CACNA1B: variants seen among roughly 807,000 people sequenced by gnomAD.
CACNA1B encodes calcium voltage-gated channel subunit alpha1 B, also known as voltage-dependent N-type calcium channel subunit alpha-1B.
In CACNA1B, 70 loss-of-function variants were observed where a neutral mutation model predicts 247.2. The ratio of observed to expected loss-of-function variants is 0.28; its 90% confidence interval spans 0.23 to 0.35. CACNA1B has a LOEUF of 0.35. Ranked by LOEUF, CACNA1B falls within the 10% of genes least tolerant of loss-of-function variation. The pLI, the probability that CACNA1B is intolerant of heterozygous loss-of-function variation, is 1.00. For missense variants in CACNA1B, 2,367 were observed against 3,197.4 expected (o/e 0.74, Z 6.26); for synonymous variants, 1,231 against 1,294.4 (o/e 0.95, Z 1.05).
chr9:138,019,656 C>T (rs924994645), intron 18 of CACNA1B, among the ~76,000 whole-genome samples: 3 of 152,226 alleles, frequency 2.0e-5, no homozygotes, highest in Non-Finnish European at 4.4e-5. Flanking sequence ...CCGCCCTGCC[C>T]AGTGCTTCCT....
At chr9:138,109,528 T>C (rs1416251658) in intron 39 of CACNA1B, among the ~76,000 whole-genome samples, 1 of 152,132 alleles carries the variant, frequency 6.6e-6, no homozygotes, top group Non-Finnish European at 1.5e-5. Context: ...AAAGAGCAAG[T>C]GGATTTCCAG....
intron 42 of CACNA1B, among the ~76,000 whole-genome samples, chr9:138,117,044 A>C (rs978390273): frequency 9.3e-4 from 141 of 152,354 alleles, no homozygotes; most frequent in African/African-American, 3.3e-3. Context: ...CAGAGTGATC[A>C]GTGCCACTCA....
At chr9:137,965,586 T>G (rs1589037271) in intron 10 of CACNA1B, among the ~76,000 whole-genome samples, 1 of 151,120 alleles carries the variant, frequency 6.6e-6, no homozygotes, top group East Asian at 2.0e-4. Context: ...TATTTATTTA[T>G]TTATTTATTT....
chr9:137,989,485 T>C (rs1958406952), intron 15 of CACNA1B, among the ~76,000 whole-genome samples: 1 of 152,162 alleles, frequency 6.6e-6, no homozygotes. Context: ...GCTCAGATGA[T>C]CAAGCAGGAT....
Position 138,052,059 on chromosome 9 carries a change from T to G in CACNA1B, c.3711-33T>G, listed in dbSNP as rs759052259. ...GGGAGCTGGGCACACCCATGCCTCC[T>G]GCCTGTCTGCATCTGTGGCTTCTCC... On this transcript the variant is annotated intron_variant, in intron 24 of 46. Transcript: ENST00000371372. The surrounding 1 kb of genome is among the most constrained non-coding windows in gnomAD (Gnocchi z 5.1). 33 of 1,303,974 alleles carry G rather than the reference T, an allele frequency of 2.5e-5. No individual in the cohort carries two copies. In the East Asian group the frequency reaches 3.5e-4, roughly 14 times the overall value. The allele number at this position is 1,303,974 out of a possible 1,614,324, so 80.8% of individuals were successfully genotyped here.
chr9:137,986,577 G>A lies in CACNA1B; in HGVS notation c.1901+33G>A, dbSNP rs1287917622. The stretch of plus-strand genomic sequence containing the variant: ...GGCCCGGGAGGGAGAGCTCAAGGCT[G>A]GGGGCTTGCAGGGAAGCAGAGCTCA... On this transcript the variant is annotated intron_variant, in intron 14 of 46. Coordinates refer to ENST00000371372, the MANE Select transcript of CACNA1B (RefSeq NM_000718.4). This position sits in a 1 kb window ranked among gnomAD's most constrained non-coding sequence, Gnocchi z 6.0. 2 of 1,612,034 alleles carry A rather than the reference G, an allele frequency of 1.2e-6. No homozygotes were observed. Among genetic ancestry groups the A allele is most frequent in the South Asian group, 2.2e-5 (2 of 90,964 alleles).
chr9:137,924,342 T>C (rs1295770621), intron 6 of CACNA1B, among the ~76,000 whole-genome samples: 1 of 146,232 alleles, frequency 6.8e-6, no homozygotes, highest in Admixed American at 6.9e-5. Context: ...CCTTCCTTCC[T>C]CCTTCCCTCC....
intron 15 of CACNA1B, among the ~76,000 whole-genome samples, chr9:138,005,989 G>A (rs1028779550): frequency 2.1e-5 from 3 of 144,630 alleles, no homozygotes; most frequent in African/African-American, 5.3e-5. Flanking sequence ...CTTGCAGTGA[G>A]CCGAGATTGC....
At chr9:138,036,216 T>G (rs896349762) in intron 20 of CACNA1B, among the ~76,000 whole-genome samples, 4 of 152,150 alleles carry the variant, frequency 2.6e-5, no homozygotes, top group African/African-American at 9.7e-5. Context: ...CTTGGCTCAC[T>G]GCAACCTCCG....
intron 3 of CACNA1B, among the ~76,000 whole-genome samples, chr9:137,885,301 G>C (rs1488522549): frequency 1.3e-5 from 2 of 152,046 alleles, no homozygotes; most frequent in Non-Finnish European, 1.5e-5. Flanking sequence ...GGGCACCTGG[G>C]GACACGTGAA....
At position 138,120,263 on chromosome 9, in the gene CACNA1B, C is replaced by T; in HGVS notation, c.6129C>T (p.Pro2043=). ...GCAGCACCACCCCGGACCGCCCACC[C>T]CCTAGCCAGGCGTCGTCGCACCACC... ...HLCSTTPDRP[P]PSQASSHHHH... The change falls in exon 45 of 47, where the codon CCC becomes CCT. Residue 2043 remains proline (P), a synonymous_variant. Transcript: ENST00000371372. The T allele has an allele frequency of 1.3e-6, 2 of 1,598,928 alleles. No homozygotes were observed. The highest frequency in any genetic ancestry group is 1.7e-6 in the Non-Finnish European group (2 of 1,174,278).
At chr9:137,995,284 C>A (rs144741662) in intron 15 of CACNA1B, among the ~76,000 whole-genome samples, 4 of 150,724 alleles carry the variant, frequency 2.7e-5, no homozygotes, top group Admixed American at 2.6e-4. Flanking sequence ...CTTCAAACTA[C>A]GATATAAGGT....
intron 3 of CACNA1B, among the ~76,000 whole-genome samples, chr9:137,907,815 G>A (rs1957314698): frequency 6.6e-6 from 1 of 151,988 alleles, no homozygotes; most frequent in African/African-American, 2.4e-5. Context: ...TTTTTTTGCA[G>A]CTTTAGAGTT....
chr9:138,030,441 C>G (rs533557521), intron 20 of CACNA1B, among the ~76,000 whole-genome samples: 3 of 152,168 alleles, frequency 2.0e-5, no homozygotes, highest in South Asian at 4.1e-4. Flanking sequence ...AATAACCCTA[C>G]TGGTGTATAA....
At chr9:138,015,480 G>A (rs1047982911) in intron 18 of CACNA1B, among the ~76,000 whole-genome samples, 4 of 146,796 alleles carry the variant, frequency 2.7e-5, no homozygotes, top group Admixed American at 6.7e-5. Context: ...CTGGTGGGAC[G>A]AGCAGCGCTG....
At chr9:137,911,405 A>G (rs1957358174) in intron 3 of CACNA1B, among the ~76,000 whole-genome samples, 1 of 150,844 alleles carries the variant, frequency 6.6e-6, no homozygotes, top group Admixed American at 6.6e-5. Context: ...TTATTTTGAG[A>G]TATTTATCTT....
intron 15 of CACNA1B, among the ~76,000 whole-genome samples, chr9:138,004,659 G>A (rs1589061760): frequency 6.6e-6 from 1 of 152,034 alleles, no homozygotes. Context: ...TGTTTAGCAC[G>A]TATGCAGTAT....
At chr9:138,116,118 C>T (rs1269767095) in intron 42 of CACNA1B, among the ~76,000 whole-genome samples, 2 of 152,228 alleles carry the variant, frequency 1.3e-5, no homozygotes, top group Non-Finnish European at 2.9e-5. Context: ...GGCCCCTGCC[C>T]CTGCTCCTCA....
intron 10 of CACNA1B, among the ~76,000 whole-genome samples, chr9:137,963,930 T>A (rs1958047594): frequency 6.6e-6 from 1 of 152,286 alleles, no homozygotes; most frequent in Non-Finnish European, 1.5e-5. Flanking sequence ...CTGAAAAGGA[T>A]CTTATTTCTC....
Sources: gnomAD v4.1 joint callset for allele counts (sites outside exome capture counted in the v4.1 genomes callset) on GRCh38, gnomAD v4.1.1 for gene constraint, Gnocchi (gnomAD v3.1) non-coding constraint, MANE v1.5 for transcripts, NCBI Gene and HGNC (gene_info 2026-07-23, HGNC 2026-07-21) for gene names.